CTC1: variants seen among roughly 807,000 people sequenced by gnomAD.
CTC1 encodes CST complex subunit CTC1.
In CTC1, 91 loss-of-function variants were observed where a neutral mutation model predicts 136.3. That is an observed-to-expected ratio of 0.67 (90% CI 0.56 to 0.79). The LOEUF is 0.79. Among genes scored for constraint, CTC1 ranks in the 30% least tolerant of loss-of-function variants. CTC1 has a pLI of 0.00. For missense variants in CTC1, 1,432 were observed against 1,498.1 expected (o/e 0.96, Z 0.73); for synonymous variants, 606 against 613.8 (o/e 0.99, Z 0.19).
In CTC1 at chr17:8,229,392, T is replaced by C. The variant is rs555156982; in HGVS notation, c.3066A>G (p.Pro1022=). The C allele has an allele frequency of 2.2e-5, 36 of 1,613,928 alleles. No individual in the cohort carries two copies. In the South Asian group the frequency reaches 4.0e-4, roughly 18 times the overall value. ...TATGGCAAGAGGCAGTGGCCTGGAATGGGGACTGACCACCCTGCAGAAGTT... is the reference window on the plus strand; with the variant it reads ...TATGGCAAGAGGCAGTGGCCTGGAACGGGGACTGACCACCCTGCAGAAGTT... ...LAELLQGGQS[P]FQATASCHIV... is the part of the protein sequence containing the mutation. Residue 1022 remains proline, a synonymous_variant, in exon 19 of 23, where the codon CCA becomes CCG. Transcript: ENST00000651323.
chr17:8,235,726 TA>T, intron 7 of CTC1, 104 bp downstream of exon 7: 1 of 1,304,612 alleles, frequency 7.7e-7, no homozygotes, highest in Non-Finnish European at 1.0e-6. Context: ...CACACACTTT[TA>T]ATTTCTATAT....
chr17:8,230,246 G>C (rs1484457696), intron 17 of CTC1, 48 bp downstream of exon 17: 4 of 1,555,952 alleles, frequency 2.6e-6, no homozygotes, highest in Admixed American at 1.8e-5. Context: ...ACATTCCAGA[G>C]AGCCACATCA....
At chr17:8,235,681 C>CT (rs1987653152) in intron 7 of CTC1, 150 bp downstream of exon 7, 1 of 800,898 alleles carries the variant, frequency 1.2e-6, no homozygotes, top group Non-Finnish European at 1.9e-6. Context: ...ATTTAAGCTT[C>CT]TGTCCAAGTT....
chr17:8,230,115 T>C (rs1285445719), intron 17 of CTC1, 147 bp from the exon 18 acceptor site: 2 of 973,222 alleles, frequency 2.1e-6, no homozygotes, highest in Non-Finnish European at 3.1e-6. Context: ...AGGGGAAGAC[T>C]AGGAGGAGGA....
chr17:8,237,014 A>G (rs1342832377), intron 5 of CTC1, among the ~76,000 whole-genome samples: 1 of 150,072 alleles, frequency 6.7e-6, no homozygotes, highest in Non-Finnish European at 1.5e-5. Flanking sequence ...AGTTGATGCA[A>G]AAAGAGTCAA....
intron 10 of CTC1, 121 bp downstream of exon 10, chr17:8,234,334 G>T: frequency 1.1e-6 from 1 of 936,906 alleles, no homozygotes; most frequent in Non-Finnish European, 1.7e-6. Context: ...CAGATGAAGT[G>T]GTCTGCTTAG....
rs759582430 is a variant in CTC1, at chr17:8,238,619, C to T, written c.208G>A (p.Val70Ile). Residue 70 changes from valine to isoleucine, a missense_variant, in exon 3 of 23, where the codon GTA (valine) becomes ATA (isoleucine). Val to Ile is a conservative substitution (Grantham distance 29). Coordinates refer to ENST00000651323, the MANE Select transcript of CTC1 (RefSeq NM_025099.6). ...TLPLSYSFVS[V>I]QDLKTHQRLP... ...CGCTGGTGAGTCTTGAGGTCCTGTA[C>T]TGAGACGAAGCTGTAGAGTGAAGGG... is the stretch of plus-strand genomic sequence containing the variant. The T allele has an allele frequency of 6.2e-7, 1 of 1,600,444 alleles. No homozygotes were observed. Among genetic ancestry groups the T allele is most frequent in the South Asian group, 1.1e-5 (1 of 89,170 alleles).
intron 1 of CTC1, among the ~76,000 whole-genome samples, chr17:8,244,875 A>G (rs1988549261): frequency 6.6e-6 from 1 of 152,204 alleles, no homozygotes; most frequent in Non-Finnish European, 1.5e-5. Flanking sequence ...TAGAAAAGCC[A>G]GTCTTCCATG....
chr17:8,225,682 C>T lies in CTC1; in HGVS notation c.*2498G>A, dbSNP rs952734766. The T allele has an allele frequency of 6.6e-6, 1 of 152,176 alleles. No homozygotes were observed. Among genetic ancestry groups the T allele is most frequent in the Non-Finnish European group, 1.5e-5 (1 of 68,096 alleles). 9.4% of individuals were successfully genotyped at this position (152,176 alleles called of 1,614,324 possible). On this transcript the variant is annotated 3_prime_UTR_variant, in exon 23 of 23. Transcript: ENST00000651323. ...TGGTGCCAGGCCAGGCCAGGCCAGC[C>T]GGATCCCTGCTTACTCCTTACCCTG...
In CTC1 at chr17:8,243,011, T is replaced by C; in HGVS notation, c.171A>G (p.Gln57=). ...TATAGCTGAGGGGCAGTGTAGAACCTTGGTTCCTTCCCTGGGACAACCAGA... is the reference window on the plus strand; with the variant it reads ...TATAGCTGAGGGGCAGTGTAGAACCCTGGTTCCTTCCCTGGGACAACCAGA... ...KTVWLSQGRN[Q]GSTLPLSYSF... The change falls in exon 2 of 23, where the codon CAA becomes CAG. Residue 57 remains glutamine (Q), a synonymous_variant. Coordinates refer to ENST00000651323, the MANE Select transcript of CTC1 (RefSeq NM_025099.6). 2 of 1,613,158 alleles carry C rather than the reference T, an allele frequency of 1.2e-6. No homozygotes were observed. The highest frequency in any genetic ancestry group is 8.5e-7 in the Non-Finnish European group (1 of 1,179,610).
At chr17:8,245,885 T>C (rs975670131) in intron 1 of CTC1, among the ~76,000 whole-genome samples, 15 of 136,984 alleles carry the variant, frequency 1.1e-4, no homozygotes, top group Non-Finnish European at 1.5e-4. Context: ...CTGGGCAACA[T>C]GGTGAAACTC....
In CTC1 at chr17:8,228,079, G is replaced by C; in HGVS notation, c.*101C>G. 1 of 1,159,774 alleles carries C rather than the reference G, an allele frequency of 8.6e-7. No homozygotes were observed. Among genetic ancestry groups the C allele is most frequent in the Non-Finnish European group, 1.2e-6 (1 of 800,212 alleles). 71.8% of individuals were successfully genotyped at this position (1,159,774 alleles called of 1,614,324 possible). On this transcript the variant is annotated 3_prime_UTR_variant, in exon 23 of 23. Transcript: ENST00000651323. ...AGTGGAGTAGCAGTTTGTGAATCTG[G>C]AGTCCTTGGTTCAATCACAGAACAA...
At chr17:8,231,880 G>A in intron 13 of CTC1, 23 bp downstream of exon 13, 1 of 1,613,510 alleles carries the variant, frequency 6.2e-7, no homozygotes, top group South Asian at 1.1e-5. Context: ...GTCAGGTCCT[G>A]GGTCCCTGGA....
rs1567599149 is a variant in CTC1 at position 8,229,333 on chromosome 17, AC to A, written c.3124del (p.Val1042CysfsTer27). On this transcript the variant is annotated frameshift_variant, in exon 19 of 23. Coordinates refer to ENST00000651323, the MANE Select transcript of CTC1 (RefSeq NM_025099.6). LOFTEE classifies it high-confidence loss of function. ...GCAGATGCTGGTACAATAAGCACAC[AC>A]CCAGAAGAGCTGAAGGCTGAAGACA... ...VSVFSLQLFWVCAYCTSICRQ... is the reference protein window; with the variant it reads ...VSVFSLQLFWXCAYCTSICRQ... 6.2e-7 allele frequency: 1 copy of A among 1,614,150 alleles called. No homozygotes were observed.
chr17:8,242,242 A>G (rs1356411867), intron 2 of CTC1, among the ~76,000 whole-genome samples: 3 of 151,986 alleles, frequency 2.0e-5, no homozygotes, highest in Non-Finnish European at 4.4e-5. Context: ...CATGTTGGGC[A>G]GGCTGACCTC....
intron 2 of CTC1, among the ~76,000 whole-genome samples, chr17:8,242,559 T>TATATATATATATATAC (rs1988357637): frequency 1.1e-5 from 1 of 90,456 alleles, no homozygotes; most frequent in Non-Finnish European, 2.3e-5. Flanking sequence ...AAAAAATATA[T>TATATATATATATATAC]ATATATATAT....
At position 8,232,058 on chromosome 17, in the gene CTC1, G is replaced by A. The variant is rs752134243; in HGVS notation, c.2230C>T (p.Arg744Cys). Residue 744 changes from arginine to cysteine, a missense_variant, in exon 13 of 23, where the codon CGT becomes TGT. Coordinates refer to ENST00000651323, the MANE Select transcript of CTC1 (RefSeq NM_025099.6). Reference sequence around the variant, plus strand: ...GCTCCTGGGGGGACACAAAAATTACGCTTCATGAGGGCCTCCTTGTGGCAG... The same window carrying A: ...GCTCCTGGGGGGACACAAAAATTACACTTCATGAGGGCCTCCTTGTGGCAG... ...LLCHKEALMK[R>C]NFCVPPGASP... The A allele has an allele frequency of 9.6e-6, 15 of 1,567,612 alleles. No individual in the cohort carries two copies. The highest frequency in any genetic ancestry group is 2.0e-5 in the Admixed American group (1 of 50,384).
chr17:8,247,896 C>T, intron 1 of CTC1, 108 bp downstream of exon 1: 1 of 1,163,486 alleles, frequency 8.6e-7, no homozygotes, highest in South Asian at 1.3e-5. Context: ...ACCCATGGGC[C>T]GGACGCGGCC....
intron 1 of CTC1, among the ~76,000 whole-genome samples, chr17:8,243,591 T>C (rs1364911921): frequency 1.3e-5 from 2 of 152,008 alleles, no homozygotes; most frequent in Admixed American, 6.6e-5. Context: ...AATTTAGAAC[T>C]TGAAGAAACC....
Sources: gnomAD v4.1 joint callset for allele counts (sites outside exome capture counted in the v4.1 genomes callset) on GRCh38, gnomAD v4.1.1 for gene constraint, MANE v1.5 for transcripts, NCBI Gene and HGNC (gene_info 2026-07-23, HGNC 2026-07-21) for gene names.